CTNND2: variants seen among roughly 807,000 people sequenced by gnomAD.
The protein encoded by CTNND2 is catenin delta-2.
CTNND2 carries 22 observed loss-of-function variants against 144.4 expected under a neutral mutation model. The observed-to-expected ratio is 0.15, with a 90% CI of 0.11 to 0.22. The LOEUF (loss-of-function observed/expected upper bound fraction) is 0.22. CTNND2 is among the 10% of genes least tolerant of loss of function. The probability of loss-of-function intolerance (pLI) is 1.00; values close to 1 mark genes in which losing one functional copy is unlikely to be tolerated. For missense variants in CTNND2, 1,353 were observed against 1,618.8 expected, an observed-to-expected ratio of 0.84 and a Z score of 2.82; for synonymous variants, 751 against 695.6, an observed-to-expected ratio of 1.08 and a Z score of -1.25.
intron 12 of CTNND2, among the ~76,000 whole-genome samples, chr5:11,156,336 C>T (rs1232189147): frequency 6.6e-6 from 1 of 151,990 alleles, no homozygotes; most frequent in South Asian, 2.1e-4. Context: ...ACCTTGGCTC[C>T]CCACCCTGAA....
At chr5:11,884,498 G>A (rs1000320792) in intron 1 of CTNND2, among the ~76,000 whole-genome samples, 15 of 151,952 alleles carry the variant, frequency 9.9e-5, no homozygotes, top group East Asian at 1.9e-4. Flanking sequence ...GATTTGTGGC[G>A]TTATTTCTGA....
At chr5:11,319,243 CA>C (rs1751800746) in intron 9 of CTNND2, among the ~76,000 whole-genome samples, 1 of 152,084 alleles carries the variant, frequency 6.6e-6, no homozygotes, top group African/African-American at 2.4e-5. Context: ...TAAGCTTCAA[CA>C]GAACAGAAAC....
chr5:11,598,848 C>T (rs754803636), intron 2 of CTNND2, among the ~76,000 whole-genome samples: 4 of 152,032 alleles, frequency 2.6e-5, no homozygotes, highest in Non-Finnish European at 5.9e-5. Flanking sequence ...TGCATTCTCA[C>T]GCTGCTATCA....
chr5:11,296,422 C>A (rs187998496), intron 9 of CTNND2, among the ~76,000 whole-genome samples: 1 of 151,962 alleles, frequency 6.6e-6, no homozygotes, highest in Non-Finnish European at 1.5e-5. Flanking sequence ...GAAGTCAGTG[C>A]GGCAATTCCT....
At chr5:11,676,550 A>G (rs562144615) in intron 2 of CTNND2, among the ~76,000 whole-genome samples, 106 of 152,094 alleles carry the variant, frequency 7.0e-4, no homozygotes, top group South Asian at 1.7e-3. Context: ...TTAGCATACT[A>G]AACTGTCCAA....
intron 8 of CTNND2, among the ~76,000 whole-genome samples, chr5:11,354,342 C>A (rs1298971618): frequency 1.3e-5 from 2 of 152,182 alleles, no homozygotes; most frequent in Non-Finnish European, 2.9e-5. Context: ...ATGTCCACTG[C>A]TGAATAAGAG....
intron 2 of CTNND2, among the ~76,000 whole-genome samples, chr5:11,625,389 A>ATCTCTCTCTC (rs57148533): frequency 0.022 from 3,111 of 140,454 alleles, 62 homozygotes; most frequent in Middle Eastern, 0.061. Flanking sequence ...AAACAGAAAA[A>ATCTCTCTCTC]TCTCTCTCTC....
intron 11 of CTNND2, among the ~76,000 whole-genome samples, chr5:11,196,986 G>C (rs1736922574): frequency 6.6e-6 from 1 of 152,312 alleles, no homozygotes; most frequent in East Asian, 1.9e-4. Flanking sequence ...GATGTCAGCT[G>C]AGTCCTGCAG....
At chr5:11,405,034 G>A (rs1760981018) in intron 5 of CTNND2, among the ~76,000 whole-genome samples, 1 of 152,128 alleles carries the variant, frequency 6.6e-6, no homozygotes. Context: ...CTTTCTCACT[G>A]GGGCTGGCAG....
At chr5:11,128,468 TG>T (rs1256808010) in intron 12 of CTNND2, among the ~76,000 whole-genome samples, 1 of 151,800 alleles carries the variant, frequency 6.6e-6, no homozygotes, top group Non-Finnish European at 1.5e-5. Context: ...AGAGAAGCTG[TG>T]GGCTAATGTA....
At chr5:11,840,906 A>G (rs1794436314) in intron 1 of CTNND2, among the ~76,000 whole-genome samples, 1 of 152,214 alleles carries the variant, frequency 6.6e-6, no homozygotes, top group African/African-American at 2.4e-5. Flanking sequence ...GCAGCCACTG[A>G]CAAACTTGAA....
chr5:11,067,317 A>G (rs1747724100), intron 16 of CTNND2, among the ~76,000 whole-genome samples: 1 of 152,224 alleles, frequency 6.6e-6, no homozygotes, highest in Non-Finnish European at 1.5e-5. Context: ...GAGAATGGTC[A>G]AGGCAGGGTT....
At chr5:11,871,266 C>T (rs1156965920) in intron 1 of CTNND2, among the ~76,000 whole-genome samples, 1 of 152,188 alleles carries the variant, frequency 6.6e-6, no homozygotes, top group Admixed American at 6.5e-5. Context: ...AGACAGCGTT[C>T]CTCTAAGCCA....
chr5:11,306,026 T>C (rs1468794509), intron 9 of CTNND2, among the ~76,000 whole-genome samples: 2 of 152,234 alleles, frequency 1.3e-5, no homozygotes, highest in African/African-American at 2.4e-5. Context: ...AAGAGAGTTT[T>C]TGAAGACTTT....
intron 3 of CTNND2, among the ~76,000 whole-genome samples, chr5:11,444,999 C>T (rs1206307365): frequency 6.6e-6 from 1 of 152,154 alleles, no homozygotes. Context: ...GAGGAAACTG[C>T]CTCAGTTTCC....
intron 9 of CTNND2, among the ~76,000 whole-genome samples, chr5:11,275,524 C>T (rs1217953790): frequency 4.6e-5 from 7 of 152,308 alleles, no homozygotes; most frequent in African/African-American, 2.4e-5. Context: ...TAGTCTCTTC[C>T]ACAATAAGAG....
At chr5:11,577,478 C>A (rs1014672825) in intron 2 of CTNND2, among the ~76,000 whole-genome samples, 1 of 152,142 alleles carries the variant, frequency 6.6e-6, no homozygotes, top group African/African-American at 2.4e-5. Flanking sequence ...ACAAGGAGGG[C>A]AACGTCACAT....
chr5:11,708,768 C>A (rs1561716145), intron 2 of CTNND2, among the ~76,000 whole-genome samples: 1 of 152,046 alleles, frequency 6.6e-6, no homozygotes, highest in Non-Finnish European at 1.5e-5. Context: ...GGGTAAGCAC[C>A]ACAAAATCAA....
Position 11,364,769 on chromosome 5 carries a change from A to G in CTNND2, c.1299T>C (p.Pro433=). ...CCTGGCTCTGGCTGAGACTCCTCAT[A>G]GGGGGCTTCTGATAGACGCGGTCTT... ...IYEDRVYQKP[P]MRSLSQSQGD... The change falls in exon 8 of 22, where the codon CCT becomes CCC. Residue 433 remains proline (P), a synonymous_variant. Coordinates refer to ENST00000304623, the MANE Select transcript of CTNND2 (RefSeq NM_001332.4). The G allele has an allele frequency of 6.2e-7, 1 of 1,613,854 alleles. No individual in the cohort carries two copies. Among genetic ancestry groups the G allele is most frequent in the Non-Finnish European group, 8.5e-7 (1 of 1,179,912 alleles).
Sources: allele counts gnomAD v4.1 joint callset (sites outside exome capture counted in the v4.1 genomes callset), GRCh38; gene constraint gnomAD v4.1.1; transcripts MANE v1.5; gene names NCBI Gene and HGNC (gene_info 2026-07-23, HGNC 2026-07-21).